The following FREM1 variants were observed in gnomAD, a reference collection of about 807,000 sequenced individuals.
FREM1 encodes the protein FRAS1-related extracellular matrix protein 1.
A neutral mutation model predicts 210.1 loss-of-function variants in FREM1; 220 were observed. The observed-to-expected ratio is 1.05, with a 90% CI of 0.94 to 1.17. The LOEUF (loss-of-function observed/expected upper bound fraction) is 1.17, where lower values mean the gene tolerates loss of function less well. Among genes scored for constraint, FREM1 ranks in the 50% most tolerant of loss-of-function variants. FREM1 has a pLI of 0.00. For synonymous variants in FREM1, 1,189 were observed against 980.2 expected (o/e 1.21, Z -3.98); for missense variants, 3,454 against 2,675.5 (o/e 1.29, Z -6.42).
chr9:14,788,462 C>G (rs1563928971), intron 23 of FREM1, among the ~76,000 whole-genome samples: 1 of 152,162 alleles, frequency 6.6e-6, no homozygotes, highest in Non-Finnish European at 1.5e-5. Context: ...TTTCTAATGA[C>G]AAAGTTTATC....
At chr9:14,751,743 C>T (rs2132085639) in intron 29 of FREM1, 1 of 152,244 alleles carries the variant, frequency 6.6e-6, no homozygotes, top group Non-Finnish European at 1.5e-5. Context: ...ATGGTGGCCT[C>T]TTTCTTGAAG....
chr9:14,873,277 C>T lies in FREM1; in HGVS notation c.-267-4033G>A, dbSNP rs1415678790. On this transcript the variant is annotated intron_variant, in intron 1 of 36. Transcript: ENST00000380880. ...TCCTCCTTGTACCTCTGGTAGAATTCGGCTGTGAATCCATCAGGTCCTGGA... is the reference window on the plus strand; with the variant it reads ...TCCTCCTTGTACCTCTGGTAGAATTTGGCTGTGAATCCATCAGGTCCTGGA... Among the ~76,000 whole-genome samples, 11 of 152,054 alleles carry T rather than the reference C, an allele frequency of 7.2e-5. No homozygotes were observed. The East Asian group carries it at 7.7e-4, about 11-fold the overall frequency.
At chr9:14,871,662 G>T (rs1832706152) in intron 1 of FREM1, among the ~76,000 whole-genome samples, 1 of 152,092 alleles carries the variant, frequency 6.6e-6, no homozygotes, top group African/African-American at 2.4e-5. Flanking sequence ...AGTTTAATTA[G>T]ATCCCATTTG....
chr9:14,755,334 C>A (rs1196555537), intron 29 of FREM1, among the ~76,000 whole-genome samples: 7 of 152,194 alleles, frequency 4.6e-5, no homozygotes, highest in African/African-American at 1.7e-4. Flanking sequence ...AGGCCATTTT[C>A]TTTTGCCTTT....
chr9:14,860,626 C>CACATATAT (rs1829742713), intron 3 of FREM1, among the ~76,000 whole-genome samples: 1 of 120,636 alleles, frequency 8.3e-6, no homozygotes, highest in Admixed American at 8.6e-5. Context: ...CATATATATA[C>CACATATAT]ACATATATAC....
Position 14,744,869 on chromosome 9 carries a change from T to G in FREM1, c.6254+1484A>C, listed in dbSNP as rs74419686. Reference sequence around the variant, plus strand: ...ATTTTACACTTCTACCAACAACACATGAGAATTCTATTTGCTCTGCATCTT... The same window carrying G: ...ATTTTACACTTCTACCAACAACACAGGAGAATTCTATTTGCTCTGCATCTT... On this transcript the variant is annotated intron_variant, in intron 35 of 36. Coordinates refer to ENST00000380880, the MANE Select transcript of FREM1 (RefSeq NM_001379081.2). 3.5e-3 allele frequency among the ~76,000 whole-genome samples: 540 copies of G among 152,256 alleles called. 5 individuals carry two copies. The highest frequency in any genetic ancestry group is 0.012 in the African/African-American group (510 of 41,558).
At chr9:14,794,190 G>A (rs765269259) in intron 21 of FREM1, among the ~76,000 whole-genome samples, 1 of 152,166 alleles carries the variant, frequency 6.6e-6, no homozygotes, top group Non-Finnish European at 1.5e-5. Context: ...TAATTTATTT[G>A]TGAAGTGATT....
intron 19 of FREM1, among the ~76,000 whole-genome samples, chr9:14,802,627 C>T (rs965322839): frequency 1.3e-5 from 2 of 152,150 alleles, no homozygotes; most frequent in African/African-American, 4.8e-5. Flanking sequence ...CAATATGTTA[C>T]TTAGCTGATT....
intron 1 of FREM1, among the ~76,000 whole-genome samples, chr9:14,885,420 G>C (rs1016325945): frequency 6.6e-6 from 1 of 151,838 alleles, no homozygotes; most frequent in Non-Finnish European, 1.5e-5. Flanking sequence ...TGTACAACAT[G>C]ATTTTTGTTT....
chr9:14,886,948 AT>A (rs1010147953), intron 1 of FREM1, among the ~76,000 whole-genome samples: 6 of 149,706 alleles, frequency 4.0e-5, no homozygotes, highest in African/African-American at 1.5e-4. Context: ...TTTATGATGT[AT>A]TTTTTTAAAT....
intron 14 of FREM1, among the ~76,000 whole-genome samples, chr9:14,818,962 T>C (rs1366380904): frequency 6.6e-6 from 1 of 152,226 alleles, no homozygotes; most frequent in Non-Finnish European, 1.5e-5. Context: ...GTGCAGTTAC[T>C]GCCAATTTAA....
At chr9:14,807,674 GACAC>G (rs34499233) in intron 17 of FREM1, among the ~76,000 whole-genome samples, 4,137 of 149,612 alleles carry the variant, frequency 0.028, 67 homozygotes, top group Non-Finnish European at 0.038. Context: ...CACACACAAA[GACAC>G]ACACACACAC....
At chr9:14,897,297 G>A (rs1444075122) in intron 1 of FREM1, among the ~76,000 whole-genome samples, 1 of 151,962 alleles carries the variant, frequency 6.6e-6, no homozygotes, top group Non-Finnish European at 1.5e-5. Flanking sequence ...ATTTGTCTAA[G>A]GCAAATTCTC....
intron 9 of FREM1, among the ~76,000 whole-genome samples, 190 bp from the exon 10 acceptor site, chr9:14,841,779 C>G (rs1825738014): frequency 6.6e-6 from 1 of 152,064 alleles, no homozygotes; most frequent in Non-Finnish European, 1.5e-5. Flanking sequence ...AGCAGGAAAA[C>G]TAAAGTCACT....
At chr9:14,846,632 T>C (rs1313003787) in intron 7 of FREM1, among the ~76,000 whole-genome samples, 3 of 152,224 alleles carry the variant, frequency 2.0e-5, no homozygotes, top group African/African-American at 7.2e-5. Context: ...GAATATTGCA[T>C]CTATAAAAGC....
chr9:14,780,196 T>G (rs1265191602), intron 24 of FREM1, among the ~76,000 whole-genome samples: 8 of 152,098 alleles, frequency 5.3e-5, no homozygotes, highest in Non-Finnish European at 1.0e-4. Flanking sequence ...CCATTTTGTT[T>G]AATTTCCCTT....
chr9:14,793,582 A>G (rs915084276), intron 21 of FREM1, among the ~76,000 whole-genome samples: 10 of 152,304 alleles, frequency 6.6e-5, no homozygotes, highest in African/African-American at 2.4e-4. Flanking sequence ...TTCACAGCCT[A>G]TATGGCCATT....
chr9:14,819,161 C>G, intron 14 of FREM1, 73 bp downstream of exon 14: 2 of 1,085,558 alleles, frequency 1.8e-6, no homozygotes, highest in Non-Finnish European at 2.6e-6. Flanking sequence ...ACTTCTTTCT[C>G]TTACTCTGCC....
Position 14,815,518 on chromosome 9 carries a change from G to T in FREM1, c.2640+1260C>A, listed in dbSNP as rs77045055. Among the ~76,000 whole-genome samples the T allele has an allele frequency of 3.0e-3, 459 of 152,246 alleles. 6 individuals carry two copies. Among genetic ancestry groups the T allele is most frequent in the African/African-American group, 0.01 (436 of 41,548 alleles). Reference sequence around the variant, plus strand: ...AATTAGTGGCTCTTCAGGGAACATGGTATATTTTTCTTCAGACCTTCTTTT... The same window carrying T: ...AATTAGTGGCTCTTCAGGGAACATGTTATATTTTTCTTCAGACCTTCTTTT... On this transcript the variant is annotated intron_variant, in intron 15 of 36. Coordinates refer to ENST00000380880, the MANE Select transcript of FREM1 (RefSeq NM_001379081.2).
Sources: allele counts gnomAD v4.1 joint callset (sites outside exome capture counted in the v4.1 genomes callset), GRCh38; gene constraint gnomAD v4.1.1; transcripts MANE v1.5; gene names NCBI Gene and HGNC (gene_info 2026-07-23, HGNC 2026-07-21).